The following RPTOR variants were observed in gnomAD, a reference collection of about 807,000 sequenced individuals.
RPTOR encodes regulatory associated protein of MTOR complex 1.
RPTOR carries 21 observed loss-of-function variants against 169.9 expected under a neutral mutation model. That is an observed-to-expected ratio of 0.12 (90% CI 0.09 to 0.18). The LOEUF (loss-of-function observed/expected upper bound fraction) is 0.18. Ranked by LOEUF, RPTOR falls within the 10% of genes least tolerant of loss-of-function variation. The pLI is 1.00. For missense variants in RPTOR, 1,133 were observed against 1,855.9 expected (o/e 0.61, Z 7.16); for synonymous variants, 732 against 753.2 (o/e 0.97, Z 0.46).
At chr17:80,873,853 C>T (rs558760517) in intron 13 of RPTOR, among the ~76,000 whole-genome samples, 2 of 152,324 alleles carry the variant, frequency 1.3e-5, no homozygotes, top group South Asian at 4.1e-4. Context: ...AGCGTGGCCT[C>T]AGGGACAGTG....
At chr17:80,560,081 A>G (rs143058917) in intron 1 of RPTOR, among the ~76,000 whole-genome samples, 184 of 152,334 alleles carry the variant, frequency 1.2e-3, no homozygotes, top group African/African-American at 4.0e-3. Flanking sequence ...CTTATAAGAG[A>G]AAAACAACAT....
In RPTOR at chr17:80,965,476, CGT is replaced by C. The variant is rs1046554151; in HGVS notation, c.*1149_*1150del. ...GTCCCGCCCAGGAGGGGCCGCAGGG[CGT>C]GTATGAGCAGTTTTGCAAACAGAAC... On this transcript the variant is annotated 3_prime_UTR_variant, in exon 34 of 34. Transcript: ENST00000306801. 1.7e-4 allele frequency: 40 copies of C among 233,366 alleles called. No homozygotes were observed. The highest frequency in any genetic ancestry group is 8.6e-4 in the African/African-American group (39 of 45,472). 14.5% of individuals were successfully genotyped at this position (233,366 alleles called of 1,614,324 possible). A position where few individuals can be genotyped will look rare whatever the true frequency, so the allele number is the denominator to read the frequency against.
intron 2 of RPTOR, among the ~76,000 whole-genome samples, chr17:80,639,392 G>A (rs905185060): frequency 6.6e-6 from 1 of 151,946 alleles, no homozygotes; most frequent in Non-Finnish European, 1.5e-5. Flanking sequence ...TTCACTGAAG[G>A]ATAGCACACA....
chr17:80,728,518 A>G (rs889693509), intron 4 of RPTOR, among the ~76,000 whole-genome samples: 1 of 151,602 alleles, frequency 6.6e-6, no homozygotes, highest in Non-Finnish European at 1.5e-5. Flanking sequence ...AGTTTCCAGC[A>G]TCAGTTATTG....
At chr17:80,902,525 A>G (rs527315672) in intron 20 of RPTOR, among the ~76,000 whole-genome samples, 4 of 152,264 alleles carry the variant, frequency 2.6e-5, no homozygotes, top group African/African-American at 9.6e-5. Context: ...AGTCCTATAA[A>G]GTTGTTTCTT....
At chr17:80,693,979 C>T (rs1355221543) in intron 3 of RPTOR, among the ~76,000 whole-genome samples, 1 of 152,244 alleles carries the variant, frequency 6.6e-6, no homozygotes, top group Non-Finnish European at 1.5e-5. Flanking sequence ...CAGAAACGGG[C>T]TTGGTCTGAA....
At chr17:80,636,595 C>T (rs1266017838) in intron 2 of RPTOR, among the ~76,000 whole-genome samples, 1 of 152,156 alleles carries the variant, frequency 6.6e-6, no homozygotes, top group East Asian at 1.9e-4. Flanking sequence ...AACACGATCG[C>T]CTCCTGAAGG....
At chr17:80,709,004 G>T in intron 4 of RPTOR, 2 of 985,476 alleles carry the variant, frequency 2.0e-6, no homozygotes, top group Non-Finnish European at 2.4e-6. Flanking sequence ...TCCCGGGTTC[G>T]CAGCTAGCAT....
intron 13 of RPTOR, among the ~76,000 whole-genome samples, chr17:80,877,598 CTTCGAT>C (rs2068135868): frequency 1.3e-5 from 2 of 152,224 alleles, no homozygotes; most frequent in Admixed American, 1.3e-4. Context: ...AATGTGTGGG[CTTCGAT>C]TTGACTTGTG....
intron 31 of RPTOR, 43 bp from the exon 32 acceptor site, chr17:80,962,418 G>A: frequency 6.4e-7 from 1 of 1,551,220 alleles, no homozygotes; most frequent in Non-Finnish European, 8.9e-7. Flanking sequence ...GGCCCCTCAT[G>A]GGGCCTCCGG....
rs144097914 is a variant in RPTOR at position 80,965,125 on chromosome 17, G to A, written c.*795G>A. The A allele has an allele frequency of 7.2e-4, 167 of 233,334 alleles. 1 individual carries two copies. Among genetic ancestry groups the A allele is most frequent in the Non-Finnish European group, 1.2e-3 (144 of 118,080 alleles). The allele number at this position is 233,334 out of a possible 1,614,324, so 14.5% of individuals were successfully genotyped here. A position where few individuals can be genotyped will look rare whatever the true frequency, so the allele number is the denominator to read the frequency against. On this transcript the variant is annotated 3_prime_UTR_variant, in exon 34 of 34. Transcript: ENST00000306801. ...CGAGGTAGCCCCTGCCTTAATCCAC[G>A]GGGCTCCTTTCCCTCCGAAGGGCTG...
chr17:80,957,738 T>C lies in RPTOR; in HGVS notation c.3477+8T>C, dbSNP rs981910259. On this transcript the variant is annotated splice_region_variant and intron_variant, in intron 29 of 33. Coordinates refer to ENST00000306801, the MANE Select transcript of RPTOR (RefSeq NM_020761.3). This position sits in a 1 kb window ranked among gnomAD's most constrained non-coding sequence, Gnocchi z 4.6. The stretch of plus-strand genomic sequence containing the variant: ...CGTGAGATGAAGGTGCAGGTAACCA[T>C]GCAGGTGTCCCCCAAGCCCTGGGCC... 1 of 1,612,770 alleles carries C rather than the reference T, an allele frequency of 6.2e-7. No homozygotes were observed. Among genetic ancestry groups the C allele is most frequent in the African/African-American group, 1.3e-5 (1 of 74,906 alleles).
At chr17:80,681,750 C>A (rs2065900427) in intron 3 of RPTOR, among the ~76,000 whole-genome samples, 1 of 133,156 alleles carries the variant, frequency 7.5e-6, no homozygotes, top group Non-Finnish European at 1.6e-5. Context: ...GTGTACGTCT[C>A]TTACACCTTC....
chr17:80,668,588 C>G (rs2065798552), intron 3 of RPTOR, among the ~76,000 whole-genome samples: 1 of 152,220 alleles, frequency 6.6e-6, no homozygotes, highest in African/African-American at 2.4e-5. Context: ...CCCCGTCTCC[C>G]ATGTTTGCAC....
chr17:80,794,220 A>G (rs1455183625), intron 7 of RPTOR, among the ~76,000 whole-genome samples: 1 of 152,226 alleles, frequency 6.6e-6, no homozygotes. Flanking sequence ...TCCAGAATGT[A>G]TAAAGATATC....
chr17:80,854,120 T>C (rs981447173), intron 11 of RPTOR, among the ~76,000 whole-genome samples: 2 of 152,178 alleles, frequency 1.3e-5, no homozygotes, highest in African/African-American at 2.4e-5. Flanking sequence ...ACTAAACGCA[T>C]GCAGGGCAAG....
At chr17:80,925,238 G>A (rs1415482643) in intron 23 of RPTOR, 132 bp from the exon 24 acceptor site, 4 of 689,274 alleles carry the variant, frequency 5.8e-6, no homozygotes, top group South Asian at 3.6e-5. Context: ...GAGCACAGAA[G>A]TGCCGTCCTT....
At chr17:80,580,334 A>G (rs1319475229) in intron 1 of RPTOR, among the ~76,000 whole-genome samples, 2 of 152,174 alleles carry the variant, frequency 1.3e-5, no homozygotes, top group African/African-American at 4.8e-5. Flanking sequence ...GGGAATTGGC[A>G]CGTTTTGCAA....
intron 2 of RPTOR, among the ~76,000 whole-genome samples, chr17:80,627,860 G>C (rs1258770511): frequency 3.5e-5 from 5 of 143,348 alleles, no homozygotes; most frequent in South Asian, 4.4e-4. Context: ...TTTTTGAGAT[G>C]GAGTTTTGCT....
Sources: gnomAD v4.1 joint callset for allele counts (sites outside exome capture counted in the v4.1 genomes callset) on GRCh38, gnomAD v4.1.1 for gene constraint, Gnocchi (gnomAD v3.1) non-coding constraint, MANE v1.5 for transcripts, NCBI Gene and HGNC (gene_info 2026-07-23, HGNC 2026-07-21) for gene names.